Variants in PTGER3 observed in about 807,000 individuals in gnomAD.
PTGER3 encodes the protein prostaglandin E2 receptor EP3 subtype.
PTGER3 carries 22 observed loss-of-function variants against 34.7 expected under a neutral mutation model. The observed-to-expected ratio is 0.63, with a 90% CI of 0.45 to 0.91. The LOEUF is 0.91. Ranked by LOEUF, PTGER3 falls within the 40% of genes least tolerant of loss-of-function variation. The pLI, the probability that PTGER3 is intolerant of heterozygous loss-of-function variation, is 0.00. For synonymous variants in PTGER3, 241 were observed against 230.1 expected, an observed-to-expected ratio of 1.05 and a Z score of -0.43; for missense variants, 468 against 519.4, an observed-to-expected ratio of 0.90 and a Z score of 0.96.
chr1:71,034,771 A>G (rs1420203580), intron 1 of PTGER3, among the ~76,000 whole-genome samples: 1 of 152,220 alleles, frequency 6.6e-6, no homozygotes, highest in Non-Finnish European at 1.5e-5. Context: ...GCATCATGGC[A>G]TGGAGGAAAC....
intron 4 of PTGER3, chr1:70,869,455 G>A: frequency 3.3e-6 from 1 of 303,110 alleles, no homozygotes; most frequent in Non-Finnish European, 6.6e-6. Flanking sequence ...CTTCTCAATA[G>A]TACCCCCAAA....
Position 70,981,392 on chromosome 1 carries a change from TTTCCTTCCTTCCTTCC to T in PTGER3, c.1078-7020_1078-7005del, listed in dbSNP as rs71586957. Among the ~76,000 whole-genome samples, 264 of 40,446 alleles carry T rather than the reference TTTCCTTCCTTCCTTCC, an allele frequency of 6.5e-3. 7 individuals carry two copies. The highest frequency in any genetic ancestry group is 0.028 in the African/African-American group (252 of 8,880). 26.5% of individuals were successfully genotyped at this position (40,446 alleles called of 152,430 possible). A position where few individuals can be genotyped will look rare whatever the true frequency, so the allele number is the denominator to read the frequency against. ...CTTTCTTTCTTTCTTTCTTTCTTTC[TTTCCTTCCTTCCTTCC>T]TTCCTTCCTTCTTTCTTTTCTTTCA... On this transcript the variant is annotated intron_variant, in intron 2 of 3. Coordinates refer to ENST00000306666, the MANE Select transcript of PTGER3 (RefSeq NM_198719.2).
At chr1:71,040,517 G>A (rs892000479) in intron 1 of PTGER3, among the ~76,000 whole-genome samples, 4 of 152,078 alleles carry the variant, frequency 2.6e-5, no homozygotes, top group Middle Eastern at 3.4e-3. Context: ...GCTGAGGCAC[G>A]AGAATCACTT....
chr1:70,860,097 G>A (rs190082353), intron 4 of PTGER3, among the ~76,000 whole-genome samples: 255 of 152,176 alleles, frequency 1.7e-3, no homozygotes, highest in African/African-American at 5.4e-3. Context: ...TAATGTCCTC[G>A]TTATTTGGAT....
At chr1:70,937,145 A>T (rs1466999523) in intron 4 of PTGER3, among the ~76,000 whole-genome samples, 2 of 152,210 alleles carry the variant, frequency 1.3e-5, no homozygotes. Context: ...GTCTCAGAGT[A>T]AGATAGAGGG....
chr1:70,984,947 G>T (rs138179466), intron 2 of PTGER3, among the ~76,000 whole-genome samples: 1 of 152,074 alleles, frequency 6.6e-6, no homozygotes, highest in Non-Finnish European at 1.5e-5. Context: ...TCTTGAATTG[G>T]TGATAATATT....
At chr1:70,960,538 G>C (rs190894221) in intron 2 of PTGER3, among the ~76,000 whole-genome samples, 1 of 152,208 alleles carries the variant, frequency 6.6e-6, no homozygotes, top group African/African-American at 2.4e-5. Flanking sequence ...CAGATCTCTG[G>C]ATACGTTCCA....
intron 4 of PTGER3, among the ~76,000 whole-genome samples, chr1:70,874,399 T>C (rs374692650): frequency 4.6e-5 from 7 of 152,256 alleles, no homozygotes; most frequent in African/African-American, 1.7e-4. Context: ...TGCCATGGGT[T>C]ATCTTCCTTT....
At chr1:70,915,095 T>C (rs1442300740) in intron 4 of PTGER3, among the ~76,000 whole-genome samples, 1 of 151,908 alleles carries the variant, frequency 6.6e-6, no homozygotes, top group African/African-American at 2.4e-5. Flanking sequence ...TATCATCTCA[T>C]AAGCTTGGCA....
rs185106902 is a variant in PTGER3 at position 71,028,584 on chromosome 1, G to C, written c.898-16100C>G. ...TCCTTTGTTTTTTATTTTTTACTAT[G>C]TTTCCCTATTGTCGCCGAAATTCCT... On this transcript the variant is annotated intron_variant, in intron 1 of 3. Transcript: ENST00000306666. 3.6e-4 allele frequency among the ~76,000 whole-genome samples: 55 copies of C among 152,162 alleles called. 1 individual carries two copies. In the East Asian group the frequency reaches 0.01, roughly 29 times the overall value.
intron 4 of PTGER3, among the ~76,000 whole-genome samples, chr1:70,866,166 A>T (rs1293006433): frequency 2.0e-5 from 3 of 152,094 alleles, no homozygotes; most frequent in Non-Finnish European, 4.4e-5. Context: ...CACATTGCTC[A>T]CCAGAGGGCT....
intron 1 of PTGER3, among the ~76,000 whole-genome samples, chr1:71,041,841 G>A (rs1454830578): frequency 6.6e-6 from 1 of 152,180 alleles, no homozygotes; most frequent in Admixed American, 6.5e-5. Context: ...TTTTAGGGGG[G>A]ACTTCCCTGC....
chr1:71,036,215 A>C (rs1327062146), intron 1 of PTGER3, among the ~76,000 whole-genome samples: 1 of 152,210 alleles, frequency 6.6e-6, no homozygotes, highest in Non-Finnish European at 1.5e-5. Flanking sequence ...ATGGTGCTTA[A>C]GGGGCCCAGG....
downstream of PTGER3, among the ~76,000 whole-genome samples, chr1:70,966,949 T>G (rs935123991): frequency 3.3e-5 from 5 of 152,116 alleles, no homozygotes; most frequent in Non-Finnish European, 7.3e-5. Context: ...ATTTCTATTT[T>G]GGGGGTATAT....
chr1:70,958,787 G>C (rs75056168), intron 2 of PTGER3, among the ~76,000 whole-genome samples: 2,126 of 152,100 alleles, frequency 0.014, 52 homozygotes, highest in African/African-American at 0.047. Flanking sequence ...TCTATCTTTT[G>C]CTGTAGTAGT....
chr1:71,012,651 A>G (rs1203402906), intron 1 of PTGER3, among the ~76,000 whole-genome samples, 167 bp from the exon 2 acceptor site: 1 of 152,234 alleles, frequency 6.6e-6, no homozygotes, highest in African/African-American at 2.4e-5. Context: ...ATTATACAAG[A>G]CATTCCTAGG....
chr1:70,864,143 T>C (rs1043389302), intron 4 of PTGER3, among the ~76,000 whole-genome samples: 2 of 152,142 alleles, frequency 1.3e-5, no homozygotes, highest in African/African-American at 4.8e-5. Flanking sequence ...CCTGGGTCAC[T>C]CTCCACCACA....
intron 4 of PTGER3, among the ~76,000 whole-genome samples, chr1:70,875,749 G>T (rs1398952464): frequency 2.0e-5 from 3 of 152,110 alleles, no homozygotes; most frequent in African/African-American, 7.2e-5. Context: ...GCATTAGTTT[G>T]CTTAGGATTA....
At chr1:70,883,103 G>A (rs55884889) in intron 4 of PTGER3, among the ~76,000 whole-genome samples, 4,273 of 152,238 alleles carry the variant, frequency 0.028, 279 homozygotes, top group East Asian at 0.2. Context: ...CATTTTGTAG[G>A]TGAGGAAACT....
Sources: allele counts gnomAD v4.1 joint callset (sites outside exome capture counted in the v4.1 genomes callset), GRCh38; gene constraint gnomAD v4.1.1; transcripts MANE v1.5; gene names NCBI Gene and HGNC (gene_info 2026-07-23, HGNC 2026-07-21).